Variants in NLGN1 observed in about 807,000 individuals in gnomAD.
NLGN1 encodes neuroligin 1, also known as neuroligin-1.
Under a neutral mutation model 65.5 loss-of-function variants are expected in NLGN1, and 12 were observed. That is an observed-to-expected ratio of 0.18 (90% CI 0.12 to 0.30). The LOEUF (loss-of-function observed/expected upper bound fraction) is 0.30. Among genes scored for constraint, NLGN1 ranks in the 10% least tolerant of loss-of-function variants. NLGN1 has a pLI of 1.00. For synonymous variants in NLGN1, 350 were observed against 359.5 expected (o/e 0.97, Z 0.30); for missense variants, 750 against 1,007.1 (o/e 0.74, Z 3.46).
chr3:174,227,077 A>G (rs1739851816), intron 4 of NLGN1, among the ~76,000 whole-genome samples: 1 of 152,186 alleles, frequency 6.6e-6, no homozygotes, highest in Admixed American at 6.5e-5. Flanking sequence ...TTTTAAGAGC[A>G]ATGAGGACCA....
At chr3:174,163,197 C>T (rs7652593) in intron 4 of NLGN1, among the ~76,000 whole-genome samples, 4 of 151,734 alleles carry the variant, frequency 2.6e-5, no homozygotes, top group Admixed American at 1.3e-4. Flanking sequence ...TCTAAGAATA[C>T]GAGCATCAAC....
At chr3:173,409,923 A>C (rs1712153424) in intron 1 of NLGN1, among the ~76,000 whole-genome samples, 1 of 152,110 alleles carries the variant, frequency 6.6e-6, no homozygotes, top group Non-Finnish European at 1.5e-5. Context: ...AGGGACCTGT[A>C]GGGGGGCCAA....
intron 4 of NLGN1, among the ~76,000 whole-genome samples, chr3:174,140,677 A>G (rs924308638): frequency 3.9e-5 from 6 of 152,208 alleles, no homozygotes; most frequent in African/African-American, 1.4e-4. Flanking sequence ...CTTCTGGAAC[A>G]TTAAAATTCT....
At chr3:173,660,339 A>G (rs1407461268) in intron 3 of NLGN1, among the ~76,000 whole-genome samples, 1 of 149,524 alleles carries the variant, frequency 6.7e-6, no homozygotes, top group Non-Finnish European at 1.5e-5. Flanking sequence ...GAATACCACA[A>G]TGGACCAATC....
chr3:174,177,400 GTTAA>G (rs1160160018), intron 4 of NLGN1, among the ~76,000 whole-genome samples: 8 of 151,972 alleles, frequency 5.3e-5, no homozygotes, highest in Non-Finnish European at 8.8e-5. Context: ...AATGTTTAAT[GTTAA>G]TTAATATTCT....
At chr3:173,601,805 A>G (rs2149438802) in intron 2 of NLGN1, among the ~76,000 whole-genome samples, 1 of 152,140 alleles carries the variant, frequency 6.6e-6, no homozygotes, top group African/African-American at 2.4e-5. Context: ...AAATATGTAT[A>G]AAAATATATA....
rs558486617 is a variant in NLGN1, at chr3:174,281,210, C to T, written c.2379C>T (p.Pro793=). The T allele has an allele frequency of 1.1e-5, 17 of 1,613,236 alleles. No individual in the cohort carries two copies. The East Asian group carries it at 1.8e-4, about 17-fold the overall frequency. Reference sequence around the variant, plus strand: ...CCAACACTATACCAGGGATTCAGCCCTTACACACATTCAATACATTTACTG... The same window carrying T: ...CCAACACTATACCAGGGATTCAGCCTTTACACACATTCAATACATTTACTG... Residue 793 remains proline, a synonymous_variant, in exon 7 of 7, where the codon CCC becomes CCT. Coordinates refer to ENST00000457714, the Ensembl canonical transcript of NLGN1.
chr3:174,103,558 G>C (rs957448593), intron 4 of NLGN1, among the ~76,000 whole-genome samples: 30 of 152,166 alleles, frequency 2.0e-4, no homozygotes, highest in African/African-American at 6.7e-4. Flanking sequence ...CTAGTGAACT[G>C]ACAGGTATTA....
intron 2 of NLGN1, among the ~76,000 whole-genome samples, chr3:173,488,384 TA>T (rs1445388762): frequency 6.6e-6 from 1 of 152,122 alleles, no homozygotes; most frequent in Admixed American, 6.6e-5. Flanking sequence ...TGCCAGCCAT[TA>T]TTTTTTATTT....
chr3:174,220,928 T>C (rs1203101334), intron 4 of NLGN1, among the ~76,000 whole-genome samples: 3 of 152,166 alleles, frequency 2.0e-5, no homozygotes, highest in Admixed American at 6.5e-5. Context: ...TTTTTACAGA[T>C]AATTCCATTA....
intron 3 of NLGN1, among the ~76,000 whole-genome samples, chr3:173,714,569 A>G (rs745758282): frequency 1.3e-5 from 2 of 152,162 alleles, no homozygotes; most frequent in Non-Finnish European, 2.9e-5. Context: ...CTAGAGGTAC[A>G]TACAGGTTGC....
chr3:173,524,044 C>T (rs1348868888), intron 2 of NLGN1, among the ~76,000 whole-genome samples: 2 of 150,414 alleles, frequency 1.3e-5, no homozygotes, highest in Admixed American at 6.6e-5. Context: ...CCTTAGCCTC[C>T]CGAGTAGCTG....
intron 4 of NLGN1, among the ~76,000 whole-genome samples, chr3:174,272,513 A>G (rs1749587557): frequency 6.6e-6 from 1 of 151,682 alleles, no homozygotes; most frequent in Non-Finnish European, 1.5e-5. Flanking sequence ...ATATCTCTCT[A>G]CCAGGTCTGA....
intron 4 of NLGN1, among the ~76,000 whole-genome samples, chr3:173,940,775 C>T (rs1047945707): frequency 2.0e-5 from 3 of 152,130 alleles, no homozygotes; most frequent in African/African-American, 4.8e-5. Flanking sequence ...TTTTATATTT[C>T]TCATAAGTAG....
intron 3 of NLGN1, among the ~76,000 whole-genome samples, chr3:173,678,358 C>T (rs893386158): frequency 2.0e-4 from 31 of 151,856 alleles, no homozygotes; most frequent in Admixed American, 1.8e-3. Flanking sequence ...AAGGACATGC[C>T]GCAGTAGAGG....
At chr3:173,678,323 G>T (rs374977435) in intron 3 of NLGN1, among the ~76,000 whole-genome samples, 1 of 152,074 alleles carries the variant, frequency 6.6e-6, no homozygotes, top group South Asian at 2.1e-4. Context: ...AGAGGGCTAC[G>T]TTAGAAATAA....
intron 4 of NLGN1, among the ~76,000 whole-genome samples, chr3:174,241,871 G>T (rs967397927): frequency 1.1e-4 from 16 of 152,010 alleles, no homozygotes; most frequent in Non-Finnish European, 1.9e-4. Context: ...TGTTAGCCAG[G>T]ATGGTCTCGA....
chr3:173,567,430 A>G (rs1161568666), intron 2 of NLGN1, among the ~76,000 whole-genome samples: 6 of 152,002 alleles, frequency 3.9e-5, no homozygotes, highest in Non-Finnish European at 5.9e-5. Flanking sequence ...TACTAGCTTT[A>G]TTAGATAAAT....
chr3:173,875,271 T>A (rs550907250), intron 4 of NLGN1, among the ~76,000 whole-genome samples: 1 of 152,322 alleles, frequency 6.6e-6, no homozygotes, highest in African/African-American at 2.4e-5. Context: ...ACAGTGACCC[T>A]CTGCCATCTG....
Sources: allele counts gnomAD v4.1 joint callset (sites outside exome capture counted in the v4.1 genomes callset), GRCh38; gene constraint gnomAD v4.1.1; transcripts MANE v1.5; gene names NCBI Gene and HGNC (gene_info 2026-07-23, HGNC 2026-07-21).